SAMD5: variants seen among roughly 807,000 people sequenced by gnomAD.
SAMD5 encodes the protein sterile alpha motif domain-containing protein 5.
SAMD5 carries 13 observed loss-of-function variants against 11.3 expected under a neutral mutation model. That is an observed-to-expected ratio of 1.15 (90% confidence interval 0.75 to 1.83). SAMD5 has a LOEUF of 1.83. SAMD5 is among the 40% of genes most tolerant of loss of function. The probability of loss-of-function intolerance (pLI) is 0.00; values close to 1 mark genes in which losing one functional copy is unlikely to be tolerated. For synonymous variants in SAMD5, 129 were observed against 111.3 expected (o/e 1.16, Z -1.00); for missense variants, 255 against 239.1 (o/e 1.07, Z -0.44).
the SAMD5 span, among the ~76,000 whole-genome samples, chr6:147,779,578 G>A: frequency 6.6e-5 from 10 of 150,506 alleles, no homozygotes; most frequent in African/African-American, 1.5e-4. Flanking sequence ...TCACTGCAAC[G>A]TCTGCCTCCT....
chr6:147,879,849 C>T, the SAMD5 span, among the ~76,000 whole-genome samples: 2 of 152,128 alleles, frequency 1.3e-5, no homozygotes, highest in Non-Finnish European at 2.9e-5. Flanking sequence ...TTGTTCTAAC[C>T]CGTGGCATTG....
At chr6:147,869,221 G>A in the SAMD5 span, among the ~76,000 whole-genome samples, 8 of 152,368 alleles carry the variant, frequency 5.3e-5, no homozygotes, top group African/African-American at 1.9e-4. Flanking sequence ...TGAGGCACGA[G>A]TGTGCAGATG....
the SAMD5 span, among the ~76,000 whole-genome samples, chr6:147,821,583 T>G: frequency 6.6e-6 from 1 of 152,206 alleles, no homozygotes; most frequent in African/African-American, 2.4e-5. Context: ...GCCTTATAAA[T>G]CGATGCTGAT....
At chr6:147,833,325 T>G in the SAMD5 span, among the ~76,000 whole-genome samples, 2 of 152,218 alleles carry the variant, frequency 1.3e-5, no homozygotes, top group African/African-American at 2.4e-5. Context: ...GTTGAAAAAT[T>G]GAGTATTCAG....
intron 1 of SAMD5, among the ~76,000 whole-genome samples, chr6:147,654,779 CAA>C (rs5880724): frequency 0.05 from 7,362 of 147,230 alleles, 209 homozygotes; most frequent in Middle Eastern, 0.066. Flanking sequence ...ATCTTTTTCT[CAA>C]AAAAAAAAAA....
At chr6:147,847,311 A>G in the SAMD5 span, among the ~76,000 whole-genome samples, 2 of 152,342 alleles carry the variant, frequency 1.3e-5, no homozygotes, top group Admixed American at 6.5e-5. Flanking sequence ...CTCTAAGCAG[A>G]AACTGCTGCT....
At chr6:147,858,598 G>A in the SAMD5 span, among the ~76,000 whole-genome samples, 1 of 152,164 alleles carries the variant, frequency 6.6e-6, no homozygotes, top group Non-Finnish European at 1.5e-5. Flanking sequence ...TGCTTATAAT[G>A]TACAGTTGAT....
the SAMD5 span, among the ~76,000 whole-genome samples, chr6:147,836,067 C>T: frequency 6.6e-6 from 1 of 152,190 alleles, no homozygotes; most frequent in Admixed American, 6.5e-5. Flanking sequence ...GTTTCTATTT[C>T]CCTAGTTAGA....
intron 1 of SAMD5, among the ~76,000 whole-genome samples, chr6:147,602,523 C>T (rs544195147): frequency 6.8e-4 from 103 of 152,252 alleles, no homozygotes; most frequent in African/African-American, 2.3e-3. Flanking sequence ...GTGGGTGGAT[C>T]ATCTGGGGTC....
the SAMD5 span, among the ~76,000 whole-genome samples, chr6:147,863,364 G>A: frequency 1.3e-5 from 2 of 152,152 alleles, no homozygotes; most frequent in East Asian, 3.9e-4. Flanking sequence ...CCCCTCTCTG[G>A]TGTATTATAA....
chr6:147,821,972 G>T, the SAMD5 span, among the ~76,000 whole-genome samples: 2 of 151,976 alleles, frequency 1.3e-5, no homozygotes, highest in African/African-American at 4.8e-5. Context: ...ATTTTTTAAA[G>T]TTAAAAAAGA....
At chr6:147,691,235 C>G (rs1043454011) in intron 1 of SAMD5, among the ~76,000 whole-genome samples, 1 of 152,108 alleles carries the variant, frequency 6.6e-6, no homozygotes, top group Non-Finnish European at 1.5e-5. Context: ...CTCAAGTGAT[C>G]CACCTGCCTC....
chr6:147,762,642 G>T, the SAMD5 span, among the ~76,000 whole-genome samples: 1 of 152,218 alleles, frequency 6.6e-6, no homozygotes, highest in Non-Finnish European at 1.5e-5. Context: ...AGATCATTGT[G>T]TGACTCAACA....
At chr6:147,868,252 T>G in the SAMD5 span, among the ~76,000 whole-genome samples, 1 of 152,322 alleles carries the variant, frequency 6.6e-6, no homozygotes, top group East Asian at 1.9e-4. Context: ...AAATTTAGTT[T>G]GAGGTCATTA....
the SAMD5 span, among the ~76,000 whole-genome samples, chr6:147,831,669 G>A: frequency 1.3e-5 from 2 of 152,214 alleles, no homozygotes; most frequent in East Asian, 3.9e-4. Context: ...GGGAAAACTG[G>A]TGGATGTTTC....
the SAMD5 span, among the ~76,000 whole-genome samples, chr6:147,930,939 C>T: frequency 3.2e-4 from 48 of 152,334 alleles, no homozygotes; most frequent in African/African-American, 1.1e-3. Flanking sequence ...CACTGACTCA[C>T]ATGTCAGTCT....
At chr6:147,928,805 A>G in the SAMD5 span, among the ~76,000 whole-genome samples, 1 of 152,296 alleles carries the variant, frequency 6.6e-6, no homozygotes. Flanking sequence ...ATTTAGTGCT[A>G]TGAATTTCCC....
chr6:147,691,822 T>C (rs187279929), intron 1 of SAMD5, among the ~76,000 whole-genome samples: 6 of 151,424 alleles, frequency 4.0e-5, no homozygotes, highest in Admixed American at 3.3e-4. Flanking sequence ...TTTCCAGTCT[T>C]AGCTTGTTCT....
chr6:147,595,166 G>A (rs1447554906), intron 1 of SAMD5, among the ~76,000 whole-genome samples: 1 of 152,198 alleles, frequency 6.6e-6, no homozygotes, highest in Admixed American at 6.5e-5. Flanking sequence ...GATTCATGCT[G>A]CCTTGAGCAG....
Sources: gnomAD v4.1 joint callset for allele counts (sites outside exome capture counted in the v4.1 genomes callset) on GRCh38, gnomAD v4.1.1 for gene constraint, MANE v1.5 for transcripts, NCBI Gene and HGNC (gene_info 2026-07-23, HGNC 2026-07-21) for gene names.